Variants in LACTB observed in about 807,000 individuals in gnomAD.
The protein encoded by LACTB is lactamase beta.
LACTB carries 35 observed loss-of-function variants against 50.2 expected under a neutral mutation model. That is an observed-to-expected ratio of 0.70 (90% CI 0.53 to 0.92). LACTB has a LOEUF of 0.92. Among genes scored for constraint, LACTB ranks in the 40% least tolerant of loss-of-function variants. The pLI, the probability that LACTB is intolerant of heterozygous loss-of-function variation, is 0.00. For missense variants in LACTB, 664 were observed against 691.8 expected (o/e 0.96, Z 0.45); for synonymous variants, 252 against 268.2 (o/e 0.94, Z 0.59).
At chr15:63,126,781 T>C (rs2037058267) in intron 2 of LACTB, 78 bp from the exon 3 acceptor site, 3 of 789,352 alleles carry the variant, frequency 3.8e-6, no homozygotes, top group Non-Finnish European at 5.9e-6. Context: ...TGTTTAAAGA[T>C]AGTATTATTT....
chr15:63,131,980 A>G (rs1487249277), intron 5 of LACTB, among the ~76,000 whole-genome samples: 1 of 152,154 alleles, frequency 6.6e-6, no homozygotes, highest in Non-Finnish European at 1.5e-5. Context: ...TATGATGATT[A>G]TGTAACATAG....
chr15:63,131,336 C>G (rs1053395892), intron 5 of LACTB: 1 of 152,130 alleles, frequency 6.6e-6, no homozygotes, highest in Admixed American at 6.5e-5. Flanking sequence ...TTTATTCATA[C>G]CAGTATGCAC....
chr15:63,124,562 G>T (rs1351756042), intron 2 of LACTB, among the ~76,000 whole-genome samples: 1 of 152,016 alleles, frequency 6.6e-6, no homozygotes, highest in African/African-American at 2.4e-5. Context: ...TTCATTTTAT[G>T]ATACTTTTAT....
In LACTB at chr15:63,121,917, G is replaced by C. The variant is rs34925488; in HGVS notation, c.46G>C (p.Gly16Arg). 7.0e-7 allele frequency: 1 copy of C among 1,419,256 alleles called. No individual in the cohort carries two copies. The highest frequency in any genetic ancestry group is 2.7e-5 in the Admixed American group (1 of 36,590). 87.9% of individuals were successfully genotyped at this position (1,419,256 alleles called of 1,614,324 possible). ...AGTGACTGCCCGGGCTGCCGCCCCC[G>C]GGGGCTTGGCCTCAAGCTGCGGACG... ...SAVTARAAAP[G>R]GLASSCGRRG... The change falls in exon 1 of 6, where the codon GGG (glycine) becomes CGG (arginine). Residue 16 changes from glycine (G) to arginine (R), a missense_variant. Transcript: ENST00000261893.
rs537021867 is a variant in LACTB at position 63,122,213 on chromosome 15, G to A, written c.342G>A (p.Leu114=). 43 of 1,558,300 alleles carry A rather than the reference G, an allele frequency of 2.8e-5. No homozygotes were observed. In the East Asian group the frequency reaches 9.5e-4, roughly 34 times the overall value. ...FARAIESSRD[L]LHRIKDEVGA... ...GAGCCATCGAGAGCAGCCGCGACCTGCTGCACAGGATCAAGGTGCGGCCAC... is the reference window on the plus strand; with the variant it reads ...GAGCCATCGAGAGCAGCCGCGACCTACTGCACAGGATCAAGGTGCGGCCAC... Residue 114 remains leucine, a synonymous_variant, in exon 1 of 6, where the codon CTG becomes CTA. Coordinates refer to ENST00000261893, the MANE Select transcript of LACTB (RefSeq NM_032857.5).
intron 5 of LACTB, among the ~76,000 whole-genome samples, chr15:63,137,623 A>G (rs1447727850): frequency 6.6e-6 from 1 of 152,230 alleles, no homozygotes. Context: ...TGTGTTACAA[A>G]TGATCCAATC....
At position 63,129,587 on chromosome 15, in the gene LACTB, A is replaced by G. The variant is rs1396651361; in HGVS notation, c.1055A>G (p.His352Arg). The change falls in exon 5 of 6, where the codon CAT becomes CGT. Residue 352 changes from histidine to arginine, a missense_variant. Coordinates refer to ENST00000261893, the MANE Select transcript of LACTB (RefSeq NM_032857.5). ...TTGGACTATATGCAGAAAATATTCCATGACTTGGATATGCTGACGACTGTG... is the reference window on the plus strand; with the variant it reads ...TTGGACTATATGCAGAAAATATTCCGTGACTTGGATATGCTGACGACTGTG... ...KYLDYMQKIFHDLDMLTTVQE... is the reference protein window; with the variant it reads ...KYLDYMQKIFRDLDMLTTVQE... 4.3e-6 allele frequency: 7 copies of G among 1,613,314 alleles called. No individual in the cohort carries two copies. The highest frequency in any genetic ancestry group is 4.0e-5 in the African/African-American group (3 of 74,902).
chr15:63,138,585 T>C (rs2037196269), intron 5 of LACTB, among the ~76,000 whole-genome samples: 1 of 152,214 alleles, frequency 6.6e-6, no homozygotes, highest in Admixed American at 6.5e-5. Context: ...TAATTTGTCC[T>C]ATGTGAAAAG....
At chr15:63,139,043 C>CAAAA (rs11413822) in intron 5 of LACTB, among the ~76,000 whole-genome samples, 2 of 71,326 alleles carry the variant, frequency 2.8e-5, no homozygotes, top group Non-Finnish European at 5.9e-5. Context: ...GACTCTGTTT[C>CAAAA]AAAAAAAAAA....
At chr15:63,134,604 C>G (rs2037159344) in intron 5 of LACTB, among the ~76,000 whole-genome samples, 1 of 152,182 alleles carries the variant, frequency 6.6e-6, no homozygotes, top group Non-Finnish European at 1.5e-5. Context: ...TTTCTGTCCA[C>G]CTTCTGTTGG....
chr15:63,141,872 A>G lies in LACTB; in HGVS notation c.*67A>G. 7.5e-7 allele frequency: 1 copy of G among 1,332,996 alleles called. No homozygotes were observed. The allele number at this position is 1,332,996 out of a possible 1,614,324, so 82.6% of individuals were successfully genotyped here. On this transcript the variant is annotated 3_prime_UTR_variant, in exon 6 of 6. Transcript: ENST00000261893. ...TTTTTTGAAACATTAAAGTTCCAAA[A>G]CATGACATTTTTAAGAATAAATTTG...
intron 1 of LACTB, 37 bp from the exon 2 acceptor site, chr15:63,122,599 G>A (rs548921699): frequency 1.3e-5 from 20 of 1,535,842 alleles, no homozygotes; most frequent in East Asian, 2.2e-5. Flanking sequence ...TTTTTCAGCA[G>A]GCCCGTAACT....
At position 63,121,897 on chromosome 15, in the gene LACTB, C is replaced by A; in HGVS notation, c.26C>A (p.Thr9Asn). Residue 9 changes from threonine to asparagine, a missense_variant, in exon 1 of 6, where the codon ACT becomes AAT. By Grantham distance (65) the Thr-to-Asn change is moderately conservative. Transcript: ENST00000261893. MYRLMSAVTARAAAPGGLA... is the reference protein window; with the variant it reads MYRLMSAVNARAAAPGGLA... Reference sequence around the variant, plus strand: ...ATGTACCGGCTCATGTCAGCAGTGACTGCCCGGGCTGCCGCCCCCGGGGGC... The same window carrying A: ...ATGTACCGGCTCATGTCAGCAGTGAATGCCCGGGCTGCCGCCCCCGGGGGC... 7.0e-7 allele frequency: 1 copy of A among 1,418,714 alleles called. No individual in the cohort carries two copies. Among genetic ancestry groups the A allele is most frequent in the Non-Finnish European group, 9.2e-7 (1 of 1,092,060 alleles). The allele number at this position is 1,418,714 out of a possible 1,614,324, so 87.9% of individuals were successfully genotyped here. A position where few individuals can be genotyped will look rare whatever the true frequency, so the allele number is the denominator to read the frequency against.
intron 5 of LACTB, among the ~76,000 whole-genome samples, chr15:63,134,928 A>C (rs1204271829): frequency 6.6e-6 from 1 of 152,164 alleles, no homozygotes; most frequent in Non-Finnish European, 1.5e-5. Context: ...ACTATGTCAA[A>C]CTAAAATTTT....
intron 5 of LACTB, among the ~76,000 whole-genome samples, chr15:63,133,819 G>T (rs547311542): frequency 6.6e-6 from 1 of 152,278 alleles, no homozygotes; most frequent in African/African-American, 2.4e-5. Flanking sequence ...AGCTTATTTT[G>T]TAGAGAAAAA....
At chr15:63,126,301 C>G (rs1817514917) in intron 2 of LACTB, among the ~76,000 whole-genome samples, 1 of 152,176 alleles carries the variant, frequency 6.6e-6, no homozygotes, top group Admixed American at 6.5e-5. Context: ...GCCACCATGA[C>G]TGGCCAATTT....
intron 5 of LACTB, among the ~76,000 whole-genome samples, chr15:63,138,765 C>T (rs987484509): frequency 1.6e-4 from 24 of 152,048 alleles, no homozygotes; most frequent in African/African-American, 4.8e-4. Context: ...CAGAGCTGGG[C>T]GCAGTGGCTT....
At position 63,125,166 on chromosome 15, in the gene LACTB, A is replaced by T. The variant is rs921204002; in HGVS notation, c.425-1693A>T. The stretch of plus-strand genomic sequence containing the variant: ...CGACACCTGTGTCTCTATAAAAAAA[A>T]TTTTATTTATTTATTTTTTTTTTGG... On this transcript the variant is annotated intron_variant, in intron 2 of 5. Coordinates refer to ENST00000261893, the MANE Select transcript of LACTB (RefSeq NM_032857.5). Among the ~76,000 whole-genome samples the T allele has an allele frequency of 3.1e-5, 3 of 95,566 alleles. No homozygotes were observed. In the Admixed American group the frequency reaches 3.6e-4, roughly 12 times the overall value. 62.7% of individuals were successfully genotyped at this position (95,566 alleles called of 152,430 possible).
intron 5 of LACTB, among the ~76,000 whole-genome samples, chr15:63,135,870 G>A (rs2037171371): frequency 6.6e-6 from 1 of 152,154 alleles, no homozygotes; most frequent in Non-Finnish European, 1.5e-5. Flanking sequence ...AGGGGGAGAA[G>A]GACGTTATGT....
Sources: allele counts gnomAD v4.1 joint callset (sites outside exome capture counted in the v4.1 genomes callset), GRCh38; gene constraint gnomAD v4.1.1; transcripts MANE v1.5; gene names NCBI Gene and HGNC (gene_info 2026-07-23, HGNC 2026-07-21).